Variants in KLHL26 observed in about 807,000 individuals in gnomAD.
KLHL26 encodes kelch like family member 26.
KLHL26 carries 4 observed loss-of-function variants against 7.1 expected under a neutral mutation model. That is an observed-to-expected ratio of 0.56 (90% CI 0.28 to 1.28). KLHL26 has a LOEUF of 1.28. Among genes scored for constraint, KLHL26 ranks in the 50% most tolerant of loss-of-function variants. The pLI, the probability that KLHL26 is intolerant of heterozygous loss-of-function variation, is 0.11. For synonymous variants in KLHL26, 465 were observed against 414.1 expected (o/e 1.12, Z -1.49); for missense variants, 896 against 924.6 (o/e 0.97, Z 0.40).
chr19:18,658,724 T>A (rs2145398782), intron 1 of KLHL26, among the ~76,000 whole-genome samples: 1 of 151,818 alleles, frequency 6.6e-6, no homozygotes, highest in South Asian at 2.1e-4. Context: ...GATCTTTCTC[T>A]CCATCTCCCT....
In KLHL26 at chr19:18,649,682, C is replaced by T. The variant is rs946099502; in HGVS notation, c.83+12545C>T. ...CCGCTGCCGGCAGCCCCGCCCTCCT[C>T]CTCTGGTAGCCGCTCTGCAGCTGTG... On this transcript the variant is annotated intron_variant, in intron 1 of 2. Transcript: ENST00000300976. This position sits in a 1 kb window ranked among gnomAD's most constrained non-coding sequence, Gnocchi z 4.0. Among the ~76,000 whole-genome samples, 22 of 152,244 alleles carry T rather than the reference C, an allele frequency of 1.4e-4. No individual in the cohort carries two copies. The highest frequency in any genetic ancestry group is 2.9e-4 in the Non-Finnish European group (20 of 68,044).
In KLHL26 at chr19:18,666,647, G is replaced by C. The variant is rs888563005; in HGVS notation, c.267-1017G>C. The stretch of plus-strand genomic sequence containing the variant: ...TGGGGTCTCAATGGAGGCTGGGGAC[G>C]TAGCTGTTGGGTGGGAGGTGCTTCC... On this transcript the variant is annotated intron_variant, in intron 2 of 2. Transcript: ENST00000300976. Among the ~76,000 whole-genome samples, 6 of 152,268 alleles carry C rather than the reference G, an allele frequency of 3.9e-5. No homozygotes were observed. The East Asian group carries it at 1.2e-3, about 29-fold the overall frequency.
In KLHL26 at chr19:18,670,376, T is replaced by C. The variant is rs780780921; in HGVS notation, c.*1131T>C. 2 of 152,248 alleles carry C rather than the reference T, an allele frequency of 1.3e-5. No homozygotes were observed. The highest frequency in any genetic ancestry group is 2.9e-5 in the Non-Finnish European group (2 of 68,040). 9.4% of individuals were successfully genotyped at this position (152,248 alleles called of 1,614,324 possible). A position where few individuals can be genotyped will look rare whatever the true frequency, so the allele number is the denominator to read the frequency against. ...CAACTTAAAGTGTCTCTCTCGCTGC[T>C]AACAGACGATTGATGTCTTGTCTCT... is the stretch of plus-strand genomic sequence containing the variant. On this transcript the variant is annotated 3_prime_UTR_variant, in exon 3 of 3. Transcript: ENST00000300976.
At position 18,669,021 on chromosome 19, in the gene KLHL26, G is replaced by A. The variant is rs17852384; in HGVS notation, c.1624G>A (p.Val542Met). Reference protein sequence around the residue: ...YVPETDQWTSVSPMRAGQSEA... With the variant: ...YVPETDQWTSMSPMRAGQSEA... Reference sequence around the variant, plus strand: ...GCCGGAGACGGACCAGTGGACCAGCGTGAGCCCCATGCGGGCCGGCCAGTC... The same window carrying A: ...GCCGGAGACGGACCAGTGGACCAGCATGAGCCCCATGCGGGCCGGCCAGTC... Residue 542 changes from valine (V) to methionine (M), a missense_variant, in exon 3 of 3, where the codon GTG becomes ATG. Physicochemically the swap from Val to Met is conservative, Grantham distance 21 (BLOSUM62 1). Transcript: ENST00000300976. The A allele has an allele frequency of 3.7e-6, 6 of 1,612,674 alleles. No individual in the cohort carries two copies. The Admixed American group carries it at 6.7e-5, about 18-fold the overall frequency.
In KLHL26 at chr19:18,637,145, C is replaced by G. The variant is rs1043872033; in HGVS notation, c.83+8C>G. The stretch of plus-strand genomic sequence containing the variant: ...CCCCGAGCGCCCGAACAGGTGAGAC[C>G]CGGCCCGCAGGATAGACCTGCACCT... On this transcript the variant is annotated splice_region_variant and intron_variant, in intron 1 of 2. Transcript: ENST00000300976. 92 of 1,333,346 alleles carry G rather than the reference C, an allele frequency of 6.9e-5. No individual in the cohort carries two copies. The highest frequency in any genetic ancestry group is 8.8e-5 in the Non-Finnish European group (92 of 1,043,550). 82.6% of individuals were successfully genotyped at this position (1,333,346 alleles called of 1,614,324 possible).
At chr19:18,664,833 C>T (rs1283792038) in intron 2 of KLHL26, among the ~76,000 whole-genome samples, 2 of 152,042 alleles carry the variant, frequency 1.3e-5, no homozygotes, top group Non-Finnish European at 2.9e-5. Context: ...ATCTGCCTGC[C>T]TTGGCCTCCC....
At chr19:18,639,552 G>C (rs1169509498) in intron 1 of KLHL26, among the ~76,000 whole-genome samples, 2 of 151,626 alleles carry the variant, frequency 1.3e-5, no homozygotes, top group African/African-American at 4.9e-5. Flanking sequence ...TGAGACCACA[G>C]GTGCATGCTA....
rs1372649420 is a variant in KLHL26, at chr19:18,648,869, C to T, written c.83+11732C>T. Among the ~76,000 whole-genome samples, 2 of 152,162 alleles carry T rather than the reference C, an allele frequency of 1.3e-5. No individual in the cohort carries two copies. Among genetic ancestry groups the T allele is most frequent in the Non-Finnish European group, 2.9e-5 (2 of 68,024 alleles). On this transcript the variant is annotated intron_variant, in intron 1 of 2. Transcript: ENST00000300976. The surrounding 1 kb of genome is among the most constrained non-coding windows in gnomAD (Gnocchi z 4.9). Reference sequence around the variant, plus strand: ...CTCCCCATCCCAGCTCAGAGCCACTCCTGGCTCTTCCCCTTCTGGGCATCA... The same window carrying T: ...CTCCCCATCCCAGCTCAGAGCCACTTCTGGCTCTTCCCCTTCTGGGCATCA...
At chr19:18,647,021 C>T (rs567102587) in intron 1 of KLHL26, among the ~76,000 whole-genome samples, 2 of 152,210 alleles carry the variant, frequency 1.3e-5, no homozygotes, top group African/African-American at 4.8e-5. Flanking sequence ...ACTGGGCCAG[C>T]CCAAGAAGGG....
chr19:18,660,394 G>T (rs557992453), intron 1 of KLHL26, among the ~76,000 whole-genome samples: 11 of 152,340 alleles, frequency 7.2e-5, no homozygotes, highest in Admixed American at 2.0e-4. Flanking sequence ...TCTTGAGACG[G>T]CCCTGGCCGG....
In KLHL26 at chr19:18,668,372, G is replaced by C. The variant is rs770879547; in HGVS notation, c.975G>C (p.Ser325=). 1.2e-6 allele frequency: 2 copies of C among 1,607,742 alleles called. No homozygotes were observed. The highest frequency in any genetic ancestry group is 1.3e-5 in the African/African-American group (1 of 75,052). ...CGCCCTACACCGACAGCGACCGCTC[G>C]GTCAGCAGCAAGGTCTACCAGCTGC... The part of the protein sequence containing the change: ...GGTPYTDSDR[S]VSSKVYQLPE... Residue 325 remains serine, a synonymous_variant, in exon 3 of 3, where the codon TCG becomes TCC. Transcript: ENST00000300976.
At chr19:18,667,388 C>T in intron 2 of KLHL26, 1 of 529,832 alleles carries the variant, frequency 1.9e-6, no homozygotes. Context: ...CTGAGTCTCA[C>T]TCTGTCACCC....
chr19:18,647,764 G>T (rs11085237), intron 1 of KLHL26, among the ~76,000 whole-genome samples: 1 of 151,926 alleles, frequency 6.6e-6, no homozygotes, highest in South Asian at 2.1e-4. Context: ...CTGGAAGAAG[G>T]GGGTGGGATC....
At position 18,656,676 on chromosome 19, in the gene KLHL26, G is replaced by A. The variant is rs1471633552; in HGVS notation, c.84-7585G>A. Among the ~76,000 whole-genome samples, 1 of 149,424 alleles carries A rather than the reference G, an allele frequency of 6.7e-6. No individual in the cohort carries two copies. Among genetic ancestry groups the A allele is most frequent in the African/African-American group, 2.5e-5 (1 of 40,488 alleles). On this transcript the variant is annotated intron_variant, in intron 1 of 2. Transcript: ENST00000300976. The surrounding 1 kb of genome is among the most constrained non-coding windows in gnomAD (Gnocchi z 4.4). ...AGTTGGGCCAACAGGCGCAACTCAC[G>A]GCGAGCCCTGTCTGCCTCAGTAGCG... is the stretch of plus-strand genomic sequence containing the variant.
chr19:18,667,966 G>T lies in KLHL26; in HGVS notation c.569G>T (p.Arg190Leu), dbSNP rs202155501. ...GAGTCGGTGGATGCCTTCACCTTCC[G>T]GCACTTCCTGCAGATCGCCGAGGAG... ...LRESVDAFTF[R>L]HFLQIAEEED... Residue 190 changes from arginine to leucine, a missense_variant, in exon 3 of 3, where the codon CGG becomes CTG. Transcript: ENST00000300976. 6.2e-7 allele frequency: 1 copy of T among 1,608,884 alleles called. No homozygotes were observed. The highest frequency in any genetic ancestry group is 1.1e-5 in the South Asian group (1 of 91,082).
rs1976796499 is a variant in KLHL26 at position 18,646,012 on chromosome 19, G to A, written c.83+8875G>A. Among the ~76,000 whole-genome samples, 2 of 152,310 alleles carry A rather than the reference G, an allele frequency of 1.3e-5. No individual in the cohort carries two copies. On this transcript the variant is annotated intron_variant, in intron 1 of 2. Coordinates refer to ENST00000300976, the MANE Select transcript of KLHL26 (RefSeq NM_018316.3). The surrounding 1 kb of genome is among the most constrained non-coding windows in gnomAD (Gnocchi z 5.0). ...TCCACCAAGCCCAGAGGCCTTGGAA[G>A]GGTCCAGCCCCCCAGCTCCTGCTAG...
intron 1 of KLHL26, among the ~76,000 whole-genome samples, chr19:18,652,858 C>T (rs567155541): frequency 3.9e-5 from 6 of 152,280 alleles, no homozygotes; most frequent in Admixed American, 6.5e-5. Context: ...TTCCTGGCTC[C>T]GTTGTCGGCA....
intron 1 of KLHL26, among the ~76,000 whole-genome samples, chr19:18,639,322 C>T (rs574689392): frequency 1.3e-5 from 2 of 151,904 alleles, no homozygotes; most frequent in Non-Finnish European, 2.9e-5. Flanking sequence ...GTGATCCACC[C>T]GCCTCGGCCT....
At chr19:18,659,489 C>T (rs1219426643) in intron 1 of KLHL26, among the ~76,000 whole-genome samples, 4 of 152,252 alleles carry the variant, frequency 2.6e-5, no homozygotes, top group Non-Finnish European at 5.9e-5. Context: ...AAGTGCTCTC[C>T]TCTTTGAGGG....
Sources: allele counts gnomAD v4.1 joint callset (sites outside exome capture counted in the v4.1 genomes callset), GRCh38; gene constraint gnomAD v4.1.1; non-coding constraint Gnocchi (gnomAD v3.1); transcripts MANE v1.5; gene names NCBI Gene and HGNC (gene_info 2026-07-23, HGNC 2026-07-21).